Variants in TMEM164 observed in about 807,000 individuals in gnomAD.
TMEM164 encodes RP13-360B22.2.
A neutral mutation model predicts 18.8 loss-of-function variants in TMEM164; 4 were observed. The ratio of observed to expected loss-of-function variants is 0.21; its 90% CI spans 0.10 to 0.49. The LOEUF is 0.49. Ranked by LOEUF, TMEM164 falls within the 20% of genes least tolerant of loss-of-function variation. The pLI is 0.98. For missense variants in TMEM164, 108 were observed against 239.9 expected (o/e 0.45, Z 3.63); for synonymous variants, 86 against 101.7 (o/e 0.85, Z 0.93).
At chrX:110,020,758 T>G in intron 2 of TMEM164, 14 of 663,182 alleles carry the variant, frequency 2.1e-5, no homozygotes, top group Non-Finnish European at 2.5e-5. Context: ...TGTGAAGAGT[T>G]GCATGCCAGA....
chrX:110,129,613 T>A (rs777633041), intron 4 of TMEM164, among the ~76,000 whole-genome samples: 1 of 112,837 alleles, frequency 8.9e-6, no homozygotes, highest in Admixed American at 9.4e-5. Flanking sequence ...GACTTTTGGA[T>A]GTTTTCAGTG....
At chrX:110,033,794 C>A (rs1223671188) in intron 2 of TMEM164, among the ~76,000 whole-genome samples, 2 of 111,347 alleles carry the variant, frequency 1.8e-5, no homozygotes, top group African/African-American at 6.5e-5. Flanking sequence ...CCCACTTTTA[C>A]CCAGTACCAT....
At chrX:110,163,450 A>G (rs1371399100) in intron 5 of TMEM164, among the ~76,000 whole-genome samples, 1 of 112,212 alleles carries the variant, frequency 8.9e-6, no homozygotes, top group Non-Finnish European at 1.9e-5. Flanking sequence ...AATCCAGTGC[A>G]CATTTTATAA....
intron 5 of TMEM164, among the ~76,000 whole-genome samples, chrX:110,158,992 G>A (rs1023268692): frequency 5.3e-5 from 6 of 112,336 alleles, no homozygotes; most frequent in African/African-American, 1.9e-4. Context: ...AATATATAAA[G>A]TGCTTATAAC....
intron 4 of TMEM164, among the ~76,000 whole-genome samples, chrX:110,132,848 A>G (rs753677909): frequency 1.2e-4 from 14 of 112,363 alleles, no homozygotes; most frequent in African/African-American, 4.5e-4. Flanking sequence ...AGGAGCTACC[A>G]CATAAGGGTG....
chrX:110,086,840 A>G, intron 3 of TMEM164, among the ~76,000 whole-genome samples: 1 of 110,740 alleles, frequency 9.0e-6, no homozygotes, highest in Non-Finnish European at 1.9e-5. Flanking sequence ...TTAATAAGCT[A>G]GAAGGCAGTG....
intron 2 of TMEM164, among the ~76,000 whole-genome samples, chrX:110,013,732 A>G (rs1933139580): frequency 8.9e-6 from 1 of 112,012 alleles, no homozygotes; most frequent in South Asian, 3.7e-4. Flanking sequence ...TAGGCATGTT[A>G]CTTAGCTGCA....
At chrX:110,158,317 G>A (rs758328197) in intron 5 of TMEM164, among the ~76,000 whole-genome samples, 4 of 112,054 alleles carry the variant, frequency 3.6e-5, no homozygotes, top group African/African-American at 9.7e-5. Flanking sequence ...TGGTTTGTAC[G>A]GTTACCCCAT....
rs143486359 is a variant in TMEM164 at position 110,171,728 on chromosome X, T to C, written c.687+208T>C. On this transcript the variant is annotated intron_variant, in intron 6 of 6. Coordinates refer to ENST00000372068, the MANE Select transcript of TMEM164 (RefSeq NM_032227.4). ...TTTCTGAGTCTTTCAGTAATGACTG[T>C]TTCTTTCATCCCTGGGGAGGCAAGG... Among the ~76,000 whole-genome samples the C allele has an allele frequency of 8.0e-5, 9 of 112,517 alleles. No homozygotes were observed. In the Admixed American group the frequency reaches 8.4e-4, roughly 10 times the overall value.
intron 2 of TMEM164, among the ~76,000 whole-genome samples, chrX:110,027,776 A>AAAAT (rs1383335910): frequency 1.8e-5 from 2 of 111,399 alleles, no homozygotes; most frequent in African/African-American, 3.3e-5. Flanking sequence ...AATAAAAATA[A>AAAAT]AAATAAATAA....
At chrX:110,020,598 A>G (rs1232817174) in intron 2 of TMEM164, 1 of 752,714 alleles carries the variant, frequency 1.3e-6, no homozygotes, top group African/African-American at 2.3e-5. Flanking sequence ...GGAGTTTCAG[A>G]AGGCAGGAGC....
chrX:110,170,514 G>A lies in TMEM164; in HGVS notation c.587-906G>A, dbSNP rs1372010692. ...ATGTCAACCCTAATTGCTTGGGGTG[G>A]GGGTTCCAGGTCCCTTTCATTCTTC... On this transcript the variant is annotated intron_variant, in intron 5 of 6. Coordinates refer to ENST00000372068, the MANE Select transcript of TMEM164 (RefSeq NM_032227.4). 2.7e-5 allele frequency among the ~76,000 whole-genome samples: 3 copies of A among 111,476 alleles called. No homozygotes were observed. The Admixed American group carries it at 2.8e-4, about 11-fold the overall frequency.
intron 2 of TMEM164, among the ~76,000 whole-genome samples, chrX:110,025,699 G>T (rs1485985516): frequency 8.9e-6 from 1 of 112,173 alleles, no homozygotes; most frequent in East Asian, 2.8e-4. Context: ...CTGGTTTGCT[G>T]CCTTTCAGTT....
chrX:110,002,550 G>T, upstream of TMEM164: 1 of 113,118 alleles, frequency 8.8e-6, no homozygotes. Context: ...TGGGGCGAGA[G>T]CTGAACTGGA....
At position 110,067,385 on chromosome X, in the gene TMEM164, C is replaced by T. The variant is rs773273756; in HGVS notation, c.429C>T (p.Ile143=). The change falls in exon 3 of 7, where the codon ATC becomes ATT. Residue 143 remains isoleucine (I), a synonymous_variant. Transcript: ENST00000372068. ...CCTGCCCTCCATGTCGGGGAGCTAT[C>T]GTCGTCTTCAAGTAAGAGAAAATTG... The part of the protein sequence containing the change: ...LLACPPCRGA[I]VVFKLQMHML... 8.3e-6 allele frequency: 10 copies of T among 1,209,397 alleles called. No homozygotes were observed. In the Admixed American group the frequency reaches 1.1e-4, roughly 13 times the overall value.
intron 2 of TMEM164, among the ~76,000 whole-genome samples, chrX:110,060,266 GAA>G (rs140796343): frequency 1.9e-5 from 1 of 51,476 alleles, no homozygotes; most frequent in African/African-American, 8.2e-5. Flanking sequence ...GACCCTGTCT[GAA>G]AAAAAAAAAA....
At chrX:110,140,661 A>AAAT (rs2066756801) in intron 4 of TMEM164, among the ~76,000 whole-genome samples, 1 of 112,420 alleles carries the variant, frequency 8.9e-6, no homozygotes. Flanking sequence ...GATTCTAAAA[A>AAAT]GGATGTTGAC....
chrX:110,173,859 G>A lies in TMEM164; in HGVS notation c.*408G>A. The A allele has an allele frequency of 6.5e-6, 1 of 153,836 alleles. No individual in the cohort carries two copies. Among genetic ancestry groups the A allele is most frequent in the Non-Finnish European group, 1.2e-5 (1 of 80,271 alleles). 12.7% of individuals were successfully genotyped at this position (153,836 alleles called of 1,213,427 possible). On this transcript the variant is annotated 3_prime_UTR_variant, in exon 7 of 7. Coordinates refer to ENST00000372068, the MANE Select transcript of TMEM164 (RefSeq NM_032227.4). ...TTGTGTTTCATTTCTCCACTGCCAG[G>A]GACCTCCAGGCTTATGCTGGCGTCC... is the stretch of plus-strand genomic sequence containing the variant.
At chrX:110,050,140 C>T (rs965594061) in intron 2 of TMEM164, among the ~76,000 whole-genome samples, 2 of 112,023 alleles carry the variant, frequency 1.8e-5, no homozygotes, top group African/African-American at 6.5e-5. Context: ...TCTGAATAAA[C>T]TCCCCTTTGT....
Sources: gnomAD v4.1 joint callset for allele counts (sites outside exome capture counted in the v4.1 genomes callset) on GRCh38, gnomAD v4.1.1 for gene constraint, MANE v1.5 for transcripts, NCBI Gene and HGNC (gene_info 2026-07-23, HGNC 2026-07-21) for gene names.